Variants in PCDHA5 observed in about 807,000 individuals in gnomAD.
PCDHA5 encodes the protein protocadherin alpha 5.
PCDHA5 carries 43 observed loss-of-function variants against 61.6 expected under a neutral mutation model. That is an observed-to-expected ratio of 0.70 (90% CI 0.55 to 0.90). The LOEUF (loss-of-function observed/expected upper bound fraction) is 0.90. Ranked by LOEUF, PCDHA5 falls within the 40% of genes least tolerant of loss-of-function variation. The pLI is 0.00. For missense variants in PCDHA5, 1,298 were observed against 1,222.7 expected, an observed-to-expected ratio of 1.06 and a Z score of -0.92; for synonymous variants, 627 against 543.9, an observed-to-expected ratio of 1.15 and a Z score of -2.13.
chr5:140,836,191 A>G lies in PCDHA5; in HGVS notation c.2352+12064A>G. The stretch of plus-strand genomic sequence containing the variant: ...CGTGCAGTTGACGCTGACTCAGGCT[A>G]CAACGCGTGGCTTTCGTATGAGTTG... On this transcript the variant is annotated intron_variant, in intron 1 of 3. Coordinates refer to ENST00000529859, the MANE Select transcript of PCDHA5 (RefSeq NM_018908.3). 1.2e-6 allele frequency: 2 copies of G among 1,613,828 alleles called. 1 individual carries two copies. Among genetic ancestry groups the G allele is most frequent in the South Asian group, 2.2e-5 (2 of 91,074 alleles).
At chr5:140,844,958 C>T (rs1211127750) in intron 1 of PCDHA5, among the ~76,000 whole-genome samples, 1 of 149,184 alleles carries the variant, frequency 6.7e-6, no homozygotes, top group Non-Finnish European at 1.5e-5. Context: ...TGAATTCTTA[C>T]AGTTTGTTAT....
At position 140,883,880 on chromosome 5, in the gene PCDHA5, C is replaced by T. The variant is rs782301944; in HGVS notation, c.2352+59753C>T. The stretch of plus-strand genomic sequence containing the variant: ...GCTGTTGCAGTTCCAGGTGAGCGCG[C>T]GCGACTCTGGCGTGCCGCCTCTGGG... On this transcript the variant is annotated intron_variant, in intron 1 of 3. Transcript: ENST00000529859. 20 of 1,613,304 alleles carry T rather than the reference C, an allele frequency of 1.2e-5. No homozygotes were observed. The Middle Eastern group carries it at 6.9e-4, about 56-fold the overall frequency.
chr5:140,923,078 G>A (rs1392146044), intron 1 of PCDHA5, among the ~76,000 whole-genome samples: 1 of 152,200 alleles, frequency 6.6e-6, no homozygotes, highest in African/African-American at 2.4e-5. Context: ...CCTCATGTCA[G>A]CACTTATTTG....
rs2150529227 is a variant in PCDHA5 at position 140,853,161 on chromosome 5, G to A, written c.2352+29034G>A. 6.4e-6 allele frequency: 6 copies of A among 935,678 alleles called. 1 individual carries two copies. Among genetic ancestry groups the A allele is most frequent in the Non-Finnish European group, 6.5e-6 (5 of 772,756 alleles). 58.0% of individuals were successfully genotyped at this position (935,678 alleles called of 1,614,324 possible). ...CCCAAAATGCTGGGATTACAGGCGT[G>A]AGCCACCGCGCCTGGCCTAAAATGT... is the stretch of plus-strand genomic sequence containing the variant. On this transcript the variant is annotated intron_variant, in intron 1 of 3. Coordinates refer to ENST00000529859, the MANE Select transcript of PCDHA5 (RefSeq NM_018908.3).
chr5:140,870,623 T>C, intron 1 of PCDHA5: 1 of 1,613,108 alleles, frequency 6.2e-7, no homozygotes. Context: ...TCGAGCTACG[T>C]GTCGGTGCAC....
intron 1 of PCDHA5, chr5:140,868,028 G>A (rs1380913243): frequency 2.0e-5 from 3 of 152,006 alleles, no homozygotes; most frequent in Non-Finnish European, 4.4e-5. Flanking sequence ...ACCAATGTTG[G>A]TGACTTGGAA....
intron 1 of PCDHA5, among the ~76,000 whole-genome samples, chr5:140,919,944 A>T (rs1554199311): frequency 6.6e-6 from 1 of 151,622 alleles, no homozygotes; most frequent in Non-Finnish European, 1.5e-5. Flanking sequence ...AATTCCAGTG[A>T]AAAGTTTGTT....
intron 1 of PCDHA5, chr5:140,829,426 G>A: frequency 6.2e-7 from 1 of 1,614,124 alleles, no homozygotes; most frequent in Non-Finnish European, 8.5e-7. Flanking sequence ...CTGTGGAGGT[G>A]GCCGACATGA....
chr5:140,822,962 T>C lies in PCDHA5; in HGVS notation c.1187T>C (p.Leu396Pro). ...CSLMPHVPFK[L>P]VSTFKNYYSL... ...CTAATGCCCCACGTTCCCTTCAAGC[T>C]GGTGTCCACCTTCAAGAATTACTAC... Residue 396 changes from leucine (L) to proline (P), a missense_variant, in exon 1 of 4, where the codon CTG (leucine) becomes CCG (proline). By Grantham distance (98) the Leu-to-Pro change is moderately conservative. Transcript: ENST00000529859. 1 of 1,614,240 alleles carries C rather than the reference T, an allele frequency of 6.2e-7. No individual in the cohort carries two copies. Among genetic ancestry groups the C allele is most frequent in the East Asian group, 2.2e-5 (1 of 44,884 alleles).
intron 1 of PCDHA5, among the ~76,000 whole-genome samples, chr5:140,913,855 T>C (rs1554196077): frequency 6.6e-6 from 1 of 152,220 alleles, no homozygotes; most frequent in Admixed American, 6.5e-5. Context: ...TTCAGGAGCA[T>C]ATTGTTTAAT....
intron 1 of PCDHA5, chr5:140,869,763 A>G: frequency 1.9e-6 from 3 of 1,613,302 alleles, no homozygotes; most frequent in Non-Finnish European, 2.5e-6. Flanking sequence ...GGGGAAAACC[A>G]GAGCTTACTG....
At chr5:140,884,541 T>C (rs782267123) in intron 1 of PCDHA5, 17 of 1,613,862 alleles carry the variant, frequency 1.1e-5, no homozygotes, top group Non-Finnish European at 1.4e-5. Flanking sequence ...CGGCCGAGGG[T>C]GTGCTCTGGG....
chr5:141,004,933 AAAAT>A (rs1336216932), intron 3 of PCDHA5, among the ~76,000 whole-genome samples: 1 of 152,198 alleles, frequency 6.6e-6, no homozygotes, highest in Non-Finnish European at 1.5e-5. Flanking sequence ...AAGAGAGAAG[AAAAT>A]TTCTTACCCT....
chr5:140,823,382 C>G lies in PCDHA5; in HGVS notation c.1607C>G (p.Ala536Gly). Residue 536 changes from alanine (A) to glycine (G), a missense_variant, in exon 1 of 4, where the codon GCG becomes GGG. Ala to Gly is a moderately conservative substitution (Grantham distance 60). Transcript: ENST00000529859. ...GAGCTGCTGCAGTTCCAGGTGAGCG[C>G]GCGCGACGCGGGCGTGCCGCCTCTG... ...EVELLQFQVS[A>G]RDAGVPPLGS... 6.2e-7 allele frequency: 1 copy of G among 1,612,794 alleles called. No homozygotes were observed. The highest frequency in any genetic ancestry group is 8.5e-7 in the Non-Finnish European group (1 of 1,179,798).
At chr5:141,001,872 CAAG>C (rs1329160545) in intron 3 of PCDHA5, among the ~76,000 whole-genome samples, 1 of 152,126 alleles carries the variant, frequency 6.6e-6, no homozygotes, top group African/African-American at 2.4e-5. Flanking sequence ...TGCCCAAAAC[CAAG>C]AAGGAGCAAA....
At chr5:140,966,860 T>TTGC (rs148181752) in intron 1 of PCDHA5, 11 of 1,577,372 alleles carry the variant, frequency 7.0e-6, no homozygotes, top group Non-Finnish European at 9.4e-6. Flanking sequence ...CCTGCTGCTG[T>TTGC]TGCTGCTGCT....
chr5:140,847,580 C>T (rs1350641732), intron 1 of PCDHA5: 1 of 149,008 alleles, frequency 6.7e-6, no homozygotes, highest in African/African-American at 2.5e-5. Flanking sequence ...TAAGGATGAG[C>T]AATAATGAAA....
chr5:140,826,128 G>C (rs181129718), intron 1 of PCDHA5, among the ~76,000 whole-genome samples: 1 of 152,208 alleles, frequency 6.6e-6, no homozygotes, highest in East Asian at 1.9e-4. Flanking sequence ...AATATCCTGA[G>C]CTACTTTGAG....
At chr5:140,849,062 A>G (rs2040761677) in intron 1 of PCDHA5, 2 of 1,547,906 alleles carry the variant, frequency 1.3e-6, no homozygotes, top group South Asian at 1.1e-5. Context: ...ACCAGCAGGT[A>G]AAACCTCTTG....
Sources: gnomAD v4.1 joint callset for allele counts (sites outside exome capture counted in the v4.1 genomes callset) on GRCh38, gnomAD v4.1.1 for gene constraint, MANE v1.5 for transcripts, NCBI Gene and HGNC (gene_info 2026-07-23, HGNC 2026-07-21) for gene names.